Variants in WSB1 observed in about 807,000 individuals in gnomAD.
WSB1 encodes WD repeat and SOCS box containing 1, also known as WD repeat and SOCS box-containing protein 1.
In WSB1, 23 loss-of-function variants were observed where a neutral mutation model predicts 50.2. That is an observed-to-expected ratio of 0.46 (90% CI 0.33 to 0.65). The LOEUF (loss-of-function observed/expected upper bound fraction) is 0.65. WSB1 is among the 30% of genes least tolerant of loss of function. WSB1 has a pLI of 0.02. For missense variants in WSB1, 492 were observed against 522.3 expected (o/e 0.94, Z 0.56); for synonymous variants, 179 against 172.0 (o/e 1.04, Z -0.32).
chr17:27,312,348 G>A lies in WSB1; in HGVS notation c.1245G>A (p.Glu415=), dbSNP rs142527784. 1.2e-3 allele frequency: 1,974 copies of A among 1,614,114 alleles called. 4 individuals are homozygous for A. Among genetic ancestry groups the A allele is most frequent in the South Asian group, 2.0e-3 (185 of 91,074 alleles). Residue 415 remains glutamate (E), a synonymous_variant, in exon 9 of 9, where the codon GAG becomes GAA. Transcript: ENST00000262394. ...TGCCGATTCCTTCCAAGCTTTTGGAGTTTCTCTCGTATCGTATTTAGAAGA... is the reference window on the plus strand; with the variant it reads ...TGCCGATTCCTTCCAAGCTTTTGGAATTTCTCTCGTATCGTATTTAGAAGA... The part of the protein sequence containing the change: ...QELPIPSKLL[E]FLSYRI
chr17:27,305,794 A>T (rs1397334383), intron 4 of WSB1, among the ~76,000 whole-genome samples: 1 of 152,238 alleles, frequency 6.6e-6, no homozygotes, highest in Non-Finnish European at 1.5e-5. Flanking sequence ...GTGCAAAGGG[A>T]TGCCAACAGT....
rs377499804 is a variant in WSB1 at position 27,309,283 on chromosome 17, C to T, written c.884+11C>T. On this transcript the variant is annotated intron_variant, in intron 6 of 8. Coordinates refer to ENST00000262394, the MANE Select transcript of WSB1 (RefSeq NM_015626.10). ...TCTGATGGAATTTGGGTGGGTACAG[C>T]ATGAATTATTTTAGTCTATAATTCA... The T allele has an allele frequency of 4.0e-5, 62 of 1,562,024 alleles. 1 individual carries two copies. In the African/African-American group the frequency reaches 7.7e-4, roughly 19 times the overall value.
At chr17:27,302,117 A>G in intron 2 of WSB1, 161 bp downstream of exon 2, 1 of 1,028,038 alleles carries the variant, frequency 9.7e-7, no homozygotes, top group Non-Finnish European at 1.3e-6. Context: ...ATTTTGTGTA[A>G]AGAATTCTTT....
chr17:27,310,868 C>T (rs1216678457), intron 7 of WSB1, among the ~76,000 whole-genome samples: 1 of 152,070 alleles, frequency 6.6e-6, no homozygotes, highest in Non-Finnish European at 1.5e-5. Flanking sequence ...TTATTGGAGA[C>T]AGGGTCTTGC....
intron 8 of WSB1, 127 bp from the exon 9 acceptor site, chr17:27,312,083 T>C: frequency 2.5e-6 from 3 of 1,218,530 alleles, no homozygotes; most frequent in East Asian, 4.9e-5. Context: ...TAGTTCTTCC[T>C]GGTTGGGTTT....
intron 1 of WSB1, chr17:27,297,204 C>T (rs183743083): frequency 2.4e-4 from 37 of 152,166 alleles, no homozygotes; most frequent in Admixed American, 9.8e-4. Context: ...CTCGCTCCGT[C>T]GTCCAGGCTG....
Position 27,294,136 on chromosome 17 carries a change from C to G in WSB1, c.-260C>G. 3.1e-6 allele frequency: 1 copy of G among 324,348 alleles called. No individual in the cohort carries two copies. Among genetic ancestry groups the G allele is most frequent in the Non-Finnish European group, 5.6e-6 (1 of 177,112 alleles). 20.1% of individuals were successfully genotyped at this position (324,348 alleles called of 1,614,324 possible). Reference sequence around the variant, plus strand: ...TCCAGTGTCTCGTTTGCAGTCGGCGCTTTAGGGGAACTGTCTTCCTCCGCA... The same window carrying G: ...TCCAGTGTCTCGTTTGCAGTCGGCGGTTTAGGGGAACTGTCTTCCTCCGCA... On this transcript the variant is annotated 5_prime_UTR_variant, in exon 1 of 9. Transcript: ENST00000262394.
At position 27,313,618 on chromosome 17, in the gene WSB1, G is replaced by T; in HGVS notation, c.*1249G>T. On this transcript the variant is annotated 3_prime_UTR_variant, in exon 9 of 9. Coordinates refer to ENST00000262394, the MANE Select transcript of WSB1 (RefSeq NM_015626.10). ...TGTTGAGTTTTTTAATTAAAGACTT[G>T]TAAAAAAAAAAAACAGTATATTGCA... The T allele has an allele frequency of 6.9e-6, 1 of 145,128 alleles. No individual in the cohort carries two copies. The highest frequency in any genetic ancestry group is 2.1e-4 in the South Asian group (1 of 4,658). 9.0% of individuals were successfully genotyped at this position (145,128 alleles called of 1,614,324 possible).
intron 3 of WSB1, among the ~76,000 whole-genome samples, chr17:27,304,471 G>C (rs891349647): frequency 1.4e-5 from 2 of 144,622 alleles, no homozygotes; most frequent in Non-Finnish European, 3.0e-5. Flanking sequence ...GGCCAAAGCT[G>C]GGGGATCACT....
In WSB1 at chr17:27,309,248, A is replaced by G. The variant is rs150611379; in HGVS notation, c.860A>G (p.Asn287Ser). ...CGAGTATATATCTGGGATCCACATAATGGAGACATTCTGATGGAATTTGGG... is the reference window on the plus strand; with the variant it reads ...CGAGTATATATCTGGGATCCACATAGTGGAGACATTCTGATGGAATTTGGG... The part of the protein sequence containing the change: ...DTRVYIWDPH[N>S]GDILMEFGHL... The change falls in exon 6 of 9, where the codon AAT becomes AGT. Residue 287 changes from asparagine to serine, a missense_variant. Transcript: ENST00000262394. 7.1e-5 allele frequency: 115 copies of G among 1,608,730 alleles called. No homozygotes were observed. In the African/African-American group the frequency reaches 1.4e-3, roughly 20 times the overall value.
intron 6 of WSB1, among the ~76,000 whole-genome samples, chr17:27,309,796 T>C (rs1160113069): frequency 6.6e-6 from 1 of 152,152 alleles, no homozygotes; most frequent in Non-Finnish European, 1.5e-5. Flanking sequence ...TTGGTCAGGC[T>C]GGTCTCAATC....
rs1020858124 is a variant in WSB1, at chr17:27,313,629, A to G, written c.*1260A>G. 6.6e-6 allele frequency: 1 copy of G among 152,518 alleles called. No individual in the cohort carries two copies. The highest frequency in any genetic ancestry group is 6.5e-5 in the Admixed American group (1 of 15,278). The allele number at this position is 152,518 out of a possible 1,614,324, so 9.4% of individuals were successfully genotyped here. ...TTAATTAAAGACTTGTAAAAAAAAAAAACAGTATATTGCAAATGTTTCTTA... is the reference window on the plus strand; with the variant it reads ...TTAATTAAAGACTTGTAAAAAAAAAGAACAGTATATTGCAAATGTTTCTTA... On this transcript the variant is annotated 3_prime_UTR_variant, in exon 9 of 9. Coordinates refer to ENST00000262394, the MANE Select transcript of WSB1 (RefSeq NM_015626.10).
chr17:27,310,038 T>G (rs1319943986), intron 6 of WSB1, 23 bp from the exon 7 acceptor site: 1 of 1,604,340 alleles, frequency 6.2e-7, no homozygotes, highest in African/African-American at 1.3e-5. Flanking sequence ...TGATATCCAC[T>G]GAAAACATAT....
chr17:27,301,188 A>G (rs935215147), intron 1 of WSB1, among the ~76,000 whole-genome samples: 14 of 152,112 alleles, frequency 9.2e-5, no homozygotes, highest in Admixed American at 4.6e-4. Flanking sequence ...ATGCCTTTTT[A>G]AAGCACTGGT....
At chr17:27,306,365 A>C (rs1001509515) in intron 4 of WSB1, among the ~76,000 whole-genome samples, 1 of 152,012 alleles carries the variant, frequency 6.6e-6, no homozygotes, top group Non-Finnish European at 1.5e-5. Flanking sequence ...GGCATGCGCC[A>C]CCATGCCCGG....
chr17:27,310,669 C>T (rs1470496259), intron 7 of WSB1, among the ~76,000 whole-genome samples: 1 of 152,194 alleles, frequency 6.6e-6, no homozygotes, highest in African/African-American at 2.4e-5. Context: ...GACGTCAATT[C>T]ATAAGGCAGC....
intron 2 of WSB1, 61 bp from the exon 3 acceptor site, chr17:27,303,306 A>G (rs2017310054): frequency 2.6e-6 from 4 of 1,522,710 alleles, no homozygotes; most frequent in South Asian, 1.2e-5. Flanking sequence ...TAATTATTCA[A>G]TGTCCAGAGG....
In WSB1 at chr17:27,312,327, G is replaced by A. The variant is rs776816369; in HGVS notation, c.1224G>A (p.Pro408=). ...VMPTQEVQEL[P]IPSKLLEFLS... is the part of the protein sequence containing the mutation. Reference sequence around the variant, plus strand: ...CCACCCAAGAAGTTCAGGAGCTGCCGATTCCTTCCAAGCTTTTGGAGTTTC... The same window carrying A: ...CCACCCAAGAAGTTCAGGAGCTGCCAATTCCTTCCAAGCTTTTGGAGTTTC... Residue 408 remains proline, a synonymous_variant, in exon 9 of 9, where the codon CCG becomes CCA. Coordinates refer to ENST00000262394, the MANE Select transcript of WSB1 (RefSeq NM_015626.10). 1.2e-5 allele frequency: 19 copies of A among 1,613,962 alleles called. No homozygotes were observed. The highest frequency in any genetic ancestry group is 3.3e-4 in the Middle Eastern group (2 of 6,082).
At chr17:27,301,197 G>C in intron 1 of WSB1, among the ~76,000 whole-genome samples, 1 of 152,122 alleles carries the variant, frequency 6.6e-6, no homozygotes, top group East Asian at 1.9e-4. Context: ...TAAAGCACTG[G>C]TTTGGAGGGT....
Sources: allele counts gnomAD v4.1 joint callset (sites outside exome capture counted in the v4.1 genomes callset), GRCh38; gene constraint gnomAD v4.1.1; transcripts MANE v1.5; gene names NCBI Gene and HGNC (gene_info 2026-07-23, HGNC 2026-07-21).